SLC1A6: variants seen among roughly 807,000 people sequenced by gnomAD.
SLC1A6 encodes excitatory amino acid transporter 4.
A neutral mutation model predicts 42.1 loss-of-function variants in SLC1A6; 15 were observed. The ratio of observed to expected loss-of-function variants is 0.36; its 90% confidence interval spans 0.24 to 0.55. The LOEUF (loss-of-function observed/expected upper bound fraction) is 0.55, where lower values mean the gene tolerates loss of function less well. SLC1A6 is among the 20% of genes least tolerant of loss of function. The pLI is 0.88. For missense variants in SLC1A6, 542 were observed against 772.5 expected (o/e 0.70, Z 3.54); for synonymous variants, 317 against 319.7 (o/e 0.99, Z 0.09).
At chr19:14,985,348 A>G (rs1024949525) in intron 1 of SLC1A6, among the ~76,000 whole-genome samples, 1 of 152,068 alleles carries the variant, frequency 6.6e-6, no homozygotes, top group African/African-American at 2.4e-5. Flanking sequence ...GCCTAGTAGG[A>G]GGTGTTTTGG....
At chr19:14,992,099 T>C (rs1384596586) in intron 1 of SLC1A6, among the ~76,000 whole-genome samples, 1 of 152,258 alleles carries the variant, frequency 6.6e-6, no homozygotes, top group Non-Finnish European at 1.5e-5. Context: ...GTGCTGGGAT[T>C]ACAGGCGTGA....
intron 1 of SLC1A6, among the ~76,000 whole-genome samples, chr19:14,978,960 T>C (rs530544571): frequency 6.3e-4 from 95 of 150,212 alleles, no homozygotes; most frequent in African/African-American, 2.3e-3. Flanking sequence ...CTTCAGACTT[T>C]CAAAATCATC....
chr19:14,955,421 AAAC>A (rs764984187), intron 7 of SLC1A6, among the ~76,000 whole-genome samples: 6 of 151,568 alleles, frequency 4.0e-5, no homozygotes, highest in Non-Finnish European at 5.9e-5. Context: ...TCTCTACCAA[AAAC>A]AACAACAACA....
At chr19:14,971,591 G>T in intron 3 of SLC1A6, 146 bp downstream of exon 3, 1 of 767,662 alleles carries the variant, frequency 1.3e-6, no homozygotes, top group Non-Finnish European at 2.1e-6. Flanking sequence ...GCTTTGTTTG[G>T]CCAAGGACGC....
intron 1 of SLC1A6, among the ~76,000 whole-genome samples, chr19:14,993,065 C>T (rs1600033250): frequency 6.6e-6 from 1 of 152,146 alleles, no homozygotes; most frequent in Non-Finnish European, 1.5e-5. Flanking sequence ...CAGGTCTCCC[C>T]GTCCTGATCC....
chr19:14,985,690 C>T (rs935741685), intron 1 of SLC1A6, among the ~76,000 whole-genome samples: 2 of 152,218 alleles, frequency 1.3e-5, no homozygotes, highest in Non-Finnish European at 2.9e-5. Flanking sequence ...TCTGGCCGGG[C>T]ACTTGGCTCA....
intron 5 of SLC1A6, 149 bp from the exon 6 acceptor site, chr19:14,962,494 T>C: frequency 1.6e-6 from 1 of 622,998 alleles, no homozygotes; most frequent in Non-Finnish European, 2.8e-6. Flanking sequence ...TTATCGACTA[T>C]CACTCATTCA....
intron 1 of SLC1A6, among the ~76,000 whole-genome samples, chr19:14,995,256 T>TGGAGGG (rs2045839404): frequency 7.7e-6 from 1 of 129,324 alleles, no homozygotes; most frequent in Admixed American, 9.3e-5. Context: ...ACCCTGGAGG[T>TGGAGGG]GGAGGTTGCA....
Position 14,963,226 on chromosome 19 carries a change from C to G in SLC1A6, c.592-881G>C, listed in dbSNP as rs182104508. 2.8e-3 allele frequency among the ~76,000 whole-genome samples: 433 copies of G among 152,260 alleles called. 8 individuals carry two copies. Among genetic ancestry groups the G allele is most frequent in the Non-Finnish European group, 2.2e-3 (151 of 68,024 alleles). ...CACAGAAAGACAAATATTGCATGCT[C>G]TCACTTATATGTGAAATTTAAAAGA... On this transcript the variant is annotated intron_variant, in intron 5 of 9. Coordinates refer to ENST00000594383, the MANE Select transcript of SLC1A6 (RefSeq NM_005071.3).
chr19:15,007,503 G>T (rs961527051), intron 1 of SLC1A6, among the ~76,000 whole-genome samples: 1 of 151,998 alleles, frequency 6.6e-6, no homozygotes, highest in Admixed American at 6.6e-5. Flanking sequence ...TAATGCCTCT[G>T]AATTGTGCAC....
chr19:14,968,158 C>T (rs1291727557), intron 4 of SLC1A6, 145 bp downstream of exon 4: 2 of 658,682 alleles, frequency 3.0e-6, no homozygotes, highest in African/African-American at 1.8e-5. Flanking sequence ...TCCAACCCCT[C>T]CTCCTTAGAA....
At chr19:14,966,981 G>A (rs1330159842) in intron 4 of SLC1A6, among the ~76,000 whole-genome samples, 4 of 152,032 alleles carry the variant, frequency 2.6e-5, no homozygotes, top group Non-Finnish European at 5.9e-5. Context: ...CCACCATGGC[G>A]CATGTATACT....
At chr19:14,954,061 T>G in intron 8 of SLC1A6, 74 bp downstream of exon 8, 119 of 720,854 alleles carry the variant, frequency 1.7e-4, no homozygotes, top group Middle Eastern at 2.8e-4. Context: ...CCCTCCTCCC[T>G]CCCCAACCCT....
rs1365845964 is a variant in SLC1A6, at chr19:14,971,694, C to T, written c.343+43G>A. On this transcript the variant is annotated intron_variant, in intron 3 of 9. Transcript: ENST00000594383. Reference sequence around the variant, plus strand: ...TTGGCTCTGGGTTCAAGCTGAGGCTCTAGACGGGTCTTGGAGGCCAACACT... The same window carrying T: ...TTGGCTCTGGGTTCAAGCTGAGGCTTTAGACGGGTCTTGGAGGCCAACACT... 3.7e-6 allele frequency: 6 copies of T among 1,607,858 alleles called. No homozygotes were observed. The South Asian group carries it at 5.5e-5, about 15-fold the overall frequency.
At chr19:14,951,521 G>GTTTTTC (rs1259962970) in intron 9 of SLC1A6, among the ~76,000 whole-genome samples, 1 of 151,840 alleles carries the variant, frequency 6.6e-6, no homozygotes, top group Non-Finnish European at 1.5e-5. Flanking sequence ...TTTTGTTTTT[G>GTTTTTC]TTTTTGTTTT....
At chr19:14,996,473 CCTT>C (rs1192346907) in intron 1 of SLC1A6, among the ~76,000 whole-genome samples, 2 of 151,794 alleles carry the variant, frequency 1.3e-5, no homozygotes, top group African/African-American at 2.4e-5. Context: ...TCCTCCTCCT[CCTT>C]CTCCTTCCCC....
chr19:14,996,600 TAAG>T (rs2045849011), intron 1 of SLC1A6, among the ~76,000 whole-genome samples: 2 of 79,250 alleles, frequency 2.5e-5, no homozygotes, highest in Non-Finnish European at 5.4e-5. Context: ...CATTGTACCT[TAAG>T]CCGTTACTTC....
rs1375379227 is a variant in SLC1A6, at chr19:14,951,207, G to A, written c.1500-817C>T. On this transcript the variant is annotated intron_variant, in intron 9 of 9. Transcript: ENST00000594383. ...GCAGAGGTTGCAGTGAGCTGAGATCGAGCCACTGCACTCCAGCTTGGGTGA... is the reference window on the plus strand; with the variant it reads ...GCAGAGGTTGCAGTGAGCTGAGATCAAGCCACTGCACTCCAGCTTGGGTGA... Among the ~76,000 whole-genome samples, 15 of 130,038 alleles carry A rather than the reference G, an allele frequency of 1.2e-4. No homozygotes were observed. The East Asian group carries it at 2.1e-3, about 18-fold the overall frequency. The allele number at this position is 130,038 out of a possible 152,430, so 85.3% of individuals were successfully genotyped here.
At chr19:14,995,343 AAGAAAG>A (rs1410323371) in intron 1 of SLC1A6, among the ~76,000 whole-genome samples, 4 of 76,004 alleles carry the variant, frequency 5.3e-5, no homozygotes, top group South Asian at 4.1e-4. Context: ...AAAAAAAAAA[AAGAAAG>A]AAAGAAAGAA....
Sources: allele counts gnomAD v4.1 joint callset (sites outside exome capture counted in the v4.1 genomes callset), GRCh38; gene constraint gnomAD v4.1.1; transcripts MANE v1.5; gene names NCBI Gene and HGNC (gene_info 2026-07-23, HGNC 2026-07-21).